The following SNTG1 variants were observed in gnomAD, a reference collection of about 807,000 sequenced individuals.
The protein encoded by SNTG1 is syntrophin gamma 1, also known as gamma-1-syntrophin.
In SNTG1, 39 loss-of-function variants were observed where a neutral mutation model predicts 74.7. The observed-to-expected ratio is 0.52, with a 90% CI of 0.40 to 0.68. The LOEUF is 0.68. Ranked by LOEUF, SNTG1 falls within the 30% of genes least tolerant of loss-of-function variation. The pLI is 0.00. For missense variants in SNTG1, 685 were observed against 609.5 expected, an observed-to-expected ratio of 1.12 and a Z score of -1.30; for synonymous variants, 254 against 217.1, an observed-to-expected ratio of 1.17 and a Z score of -1.49.
intron 3 of SNTG1, among the ~76,000 whole-genome samples, chr8:50,400,899 A>C (rs1333802443): frequency 1.3e-5 from 2 of 152,168 alleles, no homozygotes; most frequent in African/African-American, 4.8e-5. Flanking sequence ...TAGGATGATC[A>C]CAGCTAACAG....
intron 13 of SNTG1, among the ~76,000 whole-genome samples, chr8:50,624,782 C>A (rs2094946161): frequency 6.6e-6 from 1 of 152,036 alleles, no homozygotes; most frequent in South Asian, 2.1e-4. Context: ...TTTTCTATTT[C>A]TGAAAAATCT....
Position 50,366,272 on chromosome 8 carries a change from A to G in SNTG1, c.-27-27940A>G, listed in dbSNP as rs74732451. Among the ~76,000 whole-genome samples, 551 of 152,314 alleles carry G rather than the reference A, an allele frequency of 3.6e-3. 4 individuals carry two copies. Among genetic ancestry groups the G allele is most frequent in the African/African-American group, 0.012 (500 of 41,584 alleles). On this transcript the variant is annotated intron_variant, in intron 2 of 18. Transcript: ENST00000642720. ...CTTGCAGATGACTAAATCAATCAGT[A>G]TCAGGAACTACTACATGGTTGCGCC...
chr8:49,994,790 G>A (rs1814048508), intron 1 of SNTG1, among the ~76,000 whole-genome samples: 1 of 152,072 alleles, frequency 6.6e-6, no homozygotes, highest in Middle Eastern at 3.4e-3. Flanking sequence ...CAGGAACTTA[G>A]TAAGACACTG....
intron 15 of SNTG1, among the ~76,000 whole-genome samples, chr8:50,691,825 A>G (rs1351379793): frequency 1.3e-5 from 2 of 152,110 alleles, no homozygotes; most frequent in African/African-American, 4.8e-5. Flanking sequence ...GTTCTCCTGG[A>G]TAATATCCTG....
chr8:50,191,746 G>A (rs2083587125), intron 2 of SNTG1, among the ~76,000 whole-genome samples: 1 of 151,944 alleles, frequency 6.6e-6, no homozygotes, highest in South Asian at 2.1e-4. Context: ...CCCCACAACA[G>A]GCCCCGGTGT....
At chr8:50,553,247 G>C (rs2094437630) in intron 12 of SNTG1, 68 bp downstream of exon 12, 1 of 1,573,698 alleles carries the variant, frequency 6.4e-7, no homozygotes. Flanking sequence ...CAGTATATAT[G>C]TAACTTCACA....
intron 8 of SNTG1, among the ~76,000 whole-genome samples, chr8:50,470,066 C>T (rs1174409780): frequency 6.6e-6 from 1 of 152,108 alleles, no homozygotes; most frequent in African/African-American, 2.4e-5. Context: ...GGCTGCCCAG[C>T]GCCACACAAA....
At chr8:50,697,087 T>C (rs2095407859) in intron 15 of SNTG1, among the ~76,000 whole-genome samples, 1 of 152,116 alleles carries the variant, frequency 6.6e-6, no homozygotes, top group Non-Finnish European at 1.5e-5. Context: ...ATGAGCTGTT[T>C]TGTCATATGT....
At chr8:50,400,303 C>T (rs1185911545) in intron 3 of SNTG1, among the ~76,000 whole-genome samples, 2 of 152,128 alleles carry the variant, frequency 1.3e-5, no homozygotes, top group Non-Finnish European at 2.9e-5. Flanking sequence ...TGCAAAGTAT[C>T]CTCCATCCTT....
intron 8 of SNTG1, among the ~76,000 whole-genome samples, chr8:50,451,827 G>C (rs2093460698): frequency 6.6e-6 from 1 of 152,144 alleles, no homozygotes; most frequent in Non-Finnish European, 1.5e-5. Context: ...TCTAGGACAT[G>C]TCTGTCGTGG....
At chr8:50,110,268 A>G (rs1048731993) in intron 1 of SNTG1, among the ~76,000 whole-genome samples, 1 of 151,918 alleles carries the variant, frequency 6.6e-6, no homozygotes, top group Non-Finnish European at 1.5e-5. Context: ...CTCTCTCCTC[A>G]TATCTAGCAT....
chr8:50,572,000 CTG>C (rs929708541), intron 12 of SNTG1, among the ~76,000 whole-genome samples: 22 of 152,092 alleles, frequency 1.4e-4, no homozygotes, highest in African/African-American at 4.6e-4. Context: ...TGTATGAACA[CTG>C]TGCATTTCAT....
chr8:50,047,166 C>T (rs1410674863), intron 1 of SNTG1, among the ~76,000 whole-genome samples: 1 of 151,820 alleles, frequency 6.6e-6, no homozygotes, highest in Non-Finnish European at 1.5e-5. Context: ...TGGTAAAACC[C>T]CATGTCTACA....
intron 1 of SNTG1, among the ~76,000 whole-genome samples, chr8:50,009,542 G>T (rs1815568975): frequency 6.6e-6 from 1 of 152,082 alleles, no homozygotes; most frequent in Admixed American, 6.5e-5. Context: ...ACATTCTAGG[G>T]TCTGAGAACA....
At chr8:50,455,182 T>C (rs886168172) in intron 8 of SNTG1, among the ~76,000 whole-genome samples, 1 of 152,206 alleles carries the variant, frequency 6.6e-6, no homozygotes, top group Non-Finnish European at 1.5e-5. Flanking sequence ...CTGGTTCTAA[T>C]AGGATAATCT....
chr8:49,967,105 C>CA (rs1811212240), intron 1 of SNTG1, among the ~76,000 whole-genome samples: 4 of 152,130 alleles, frequency 2.6e-5, no homozygotes, highest in Non-Finnish European at 5.9e-5. Flanking sequence ...GTCCCAAGGG[C>CA]GTAAGTATTT....
intron 1 of SNTG1, among the ~76,000 whole-genome samples, chr8:49,996,284 T>C (rs1814207913): frequency 6.6e-6 from 1 of 152,054 alleles, no homozygotes; most frequent in Admixed American, 6.6e-5. Flanking sequence ...ATAACTTGCA[T>C]TACAATTCTT....
At chr8:50,022,172 G>A (rs915348828) in intron 1 of SNTG1, among the ~76,000 whole-genome samples, 1 of 152,114 alleles carries the variant, frequency 6.6e-6, no homozygotes, top group Non-Finnish European at 1.5e-5. Flanking sequence ...GACATAGAAT[G>A]AATGGGATTC....
chr8:50,192,379 C>T (rs1374629384), intron 2 of SNTG1, among the ~76,000 whole-genome samples: 2 of 152,006 alleles, frequency 1.3e-5, no homozygotes, highest in Non-Finnish European at 2.9e-5. Context: ...TGTTGTTACA[C>T]CATCATGTAA....
Sources: gnomAD v4.1 joint callset for allele counts (sites outside exome capture counted in the v4.1 genomes callset) on GRCh38, gnomAD v4.1.1 for gene constraint, MANE v1.5 for transcripts, NCBI Gene and HGNC (gene_info 2026-07-23, HGNC 2026-07-21) for gene names.